CNTN5: variants seen among roughly 807,000 people sequenced by gnomAD.
CNTN5 encodes contactin 5.
CNTN5 carries 77 observed loss-of-function variants against 129.1 expected under a neutral mutation model. The observed-to-expected ratio is 0.60, with a 90% CI of 0.50 to 0.72. The LOEUF (loss-of-function observed/expected upper bound fraction) is 0.72, where lower values mean the gene tolerates loss of function less well. Ranked by LOEUF, CNTN5 falls within the 30% of genes least tolerant of loss-of-function variation. The probability of loss-of-function intolerance (pLI) is 0.00; values close to 1 mark genes in which losing one functional copy is unlikely to be tolerated. For missense variants in CNTN5, 1,478 were observed against 1,328.8 expected (o/e 1.11, Z -1.75); for synonymous variants, 509 against 465.6 (o/e 1.09, Z -1.20).
At chr11:99,035,749 T>A (rs1863687925) in intron 1 of CNTN5, among the ~76,000 whole-genome samples, 1 of 150,292 alleles carries the variant, frequency 6.7e-6, no homozygotes, top group Non-Finnish European at 1.5e-5. Context: ...GTCTTTTAAT[T>A]GGAGAATTTA....
chr11:99,637,564 A>C (rs1465206308), intron 3 of CNTN5, among the ~76,000 whole-genome samples: 1 of 152,146 alleles, frequency 6.6e-6, no homozygotes, highest in Non-Finnish European at 1.5e-5. Flanking sequence ...TTACTGAAAA[A>C]TAATTTTAAA....
chr11:100,208,735 C>G (rs1284837995), intron 15 of CNTN5, among the ~76,000 whole-genome samples: 1 of 152,186 alleles, frequency 6.6e-6, no homozygotes, highest in African/African-American at 2.4e-5. Flanking sequence ...CTCATTCAAT[C>G]ATGGCTCCAA....
chr11:99,053,467 T>A (rs576299695), intron 1 of CNTN5, among the ~76,000 whole-genome samples: 16 of 152,068 alleles, frequency 1.1e-4, no homozygotes, highest in African/African-American at 3.6e-4. Context: ...TTTCTTTTTT[T>A]GCATTCACAT....
At chr11:99,189,982 A>C (rs1858552239) in intron 1 of CNTN5, among the ~76,000 whole-genome samples, 2 of 151,672 alleles carry the variant, frequency 1.3e-5, no homozygotes, top group African/African-American at 4.8e-5. Flanking sequence ...AATATTGTCT[A>C]GACCAATGTC....
intron 17 of CNTN5, among the ~76,000 whole-genome samples, chr11:100,267,474 A>C (rs1950330345): frequency 6.6e-6 from 1 of 152,096 alleles, no homozygotes. Context: ...CCATAGCAGG[A>C]AGGTTGTAAT....
At chr11:99,306,364 A>G (rs1864873550) in intron 1 of CNTN5, among the ~76,000 whole-genome samples, 1 of 152,190 alleles carries the variant, frequency 6.6e-6, no homozygotes, top group South Asian at 2.1e-4. Context: ...CACACAAAAA[A>G]ATGAGATAGT....
intron 8 of CNTN5, among the ~76,000 whole-genome samples, chr11:99,996,054 C>G (rs1489426161): frequency 1.3e-5 from 2 of 152,136 alleles, no homozygotes; most frequent in Non-Finnish European, 2.9e-5. Flanking sequence ...ATCAGCATTT[C>G]TACTTTAACC....
chr11:99,073,128 T>A (rs988900035), intron 1 of CNTN5, among the ~76,000 whole-genome samples: 1 of 152,190 alleles, frequency 6.6e-6, no homozygotes, highest in African/African-American at 2.4e-5. Context: ...ATTTATTTAT[T>A]CTACCATTGA....
rs1047990676 is a variant in CNTN5, at chr11:99,146,111, G to A, written c.-210+124841G>A. 2.4e-4 allele frequency among the ~76,000 whole-genome samples: 37 copies of A among 152,066 alleles called. 1 individual carries two copies. Among genetic ancestry groups the A allele is most frequent in the African/African-American group, 7.0e-4 (29 of 41,492 alleles). ...TCATTACCCTGCTCTTATCAACCAA[G>A]CTAATTAAACCAGCAATTATTGTCA... On this transcript the variant is annotated intron_variant, in intron 1 of 24. Coordinates refer to ENST00000524871, the MANE Select transcript of CNTN5 (RefSeq NM_014361.4).
rs1239029461 is a variant in CNTN5, at chr11:100,074,242, A to G, written c.1528A>G (p.Lys510Glu). Residue 510 changes from lysine (K) to glutamate (E), a missense_variant, in exon 13 of 25, where the codon AAA becomes GAA. By Grantham distance (56) the Lys-to-Glu change is moderately conservative (BLOSUM62 1). Transcript: ENST00000524871. ...AGAGTGCAAACCCCAAGGCTCTCCAAAACCAACCATCTCTTGGAAGAAAGG... is the reference window on the plus strand; with the variant it reads ...AGAGTGCAAACCCCAAGGCTCTCCAGAACCAACCATCTCTTGGAAGAAAGG... ...VIECKPQGSP[K>E]PTISWKKGDR... 6.2e-7 allele frequency: 1 copy of G among 1,611,352 alleles called. No individual in the cohort carries two copies. Among genetic ancestry groups the G allele is most frequent in the East Asian group, 2.2e-5 (1 of 44,692 alleles).
chr11:100,287,690 C>T (rs1331419343), intron 18 of CNTN5, among the ~76,000 whole-genome samples: 1 of 152,112 alleles, frequency 6.6e-6, no homozygotes, highest in Non-Finnish European at 1.5e-5. Flanking sequence ...TAGGAAGAAA[C>T]TGCATCAACT....
intron 6 of CNTN5, among the ~76,000 whole-genome samples, chr11:99,870,098 G>C (rs745938677): frequency 2.0e-5 from 3 of 152,156 alleles, no homozygotes; most frequent in Non-Finnish European, 4.4e-5. Context: ...AATGTGTTGT[G>C]ATTGAGGATA....
intron 3 of CNTN5, among the ~76,000 whole-genome samples, chr11:99,810,488 G>A (rs528246926): frequency 6.6e-6 from 1 of 152,040 alleles, no homozygotes; most frequent in South Asian, 2.1e-4. Flanking sequence ...TATGCTTTTT[G>A]CTCTTGAAGC....
chr11:99,571,391 ATTT>A (rs1949170054), intron 3 of CNTN5, among the ~76,000 whole-genome samples: 1 of 152,172 alleles, frequency 6.6e-6, no homozygotes, highest in Non-Finnish European at 1.5e-5. Flanking sequence ...ACAATGACTG[ATTT>A]TATGTTCAGT....
chr11:100,234,398 T>A (rs1949559180), intron 16 of CNTN5, among the ~76,000 whole-genome samples: 1 of 152,138 alleles, frequency 6.6e-6, no homozygotes, highest in Non-Finnish European at 1.5e-5. Context: ...CCAACCCAAA[T>A]GCCCATCGAT....
At chr11:99,686,114 A>G (rs969488490) in intron 3 of CNTN5, among the ~76,000 whole-genome samples, 8 of 151,938 alleles carry the variant, frequency 5.3e-5, no homozygotes, top group African/African-American at 1.9e-4. Context: ...TATATGTGCC[A>G]TTGTTTCCAT....
intron 13 of CNTN5, among the ~76,000 whole-genome samples, chr11:100,181,606 C>T (rs187037569): frequency 1.1e-4 from 16 of 151,608 alleles, no homozygotes; most frequent in South Asian, 6.3e-4. Context: ...AAGATGAACG[C>T]GTATAAAAAT....
intron 1 of CNTN5, among the ~76,000 whole-genome samples, chr11:99,301,702 A>G (rs1259266230): frequency 6.6e-6 from 1 of 151,774 alleles, no homozygotes; most frequent in Non-Finnish European, 1.5e-5. Flanking sequence ...GAAACAAGAA[A>G]GTAGAAGACA....
At chr11:99,712,861 G>A (rs141117988) in intron 3 of CNTN5, among the ~76,000 whole-genome samples, 7,684 of 151,826 alleles carry the variant, frequency 0.051, 292 homozygotes, top group East Asian at 0.19. Flanking sequence ...TACTAGTACC[G>A]TGCTGTTTTG....
Sources: allele counts gnomAD v4.1 joint callset (sites outside exome capture counted in the v4.1 genomes callset), GRCh38; gene constraint gnomAD v4.1.1; transcripts MANE v1.5; gene names NCBI Gene and HGNC (gene_info 2026-07-23, HGNC 2026-07-21).